Variants in ART3 observed in about 807,000 individuals in gnomAD.
ART3 encodes ecto-ADP-ribosyltransferase 3.
In ART3, 49 loss-of-function variants were observed where a neutral mutation model predicts 48.5. The ratio of observed to expected loss-of-function variants is 1.01; its 90% CI spans 0.80 to 1.28. ART3 has a LOEUF of 1.28. Among genes scored for constraint, ART3 ranks in the 50% most tolerant of loss-of-function variants. ART3 has a pLI of 0.00. For missense variants in ART3, 438 were observed against 454.3 expected, an observed-to-expected ratio of 0.96 and a Z score of 0.33; for synonymous variants, 145 against 157.2, an observed-to-expected ratio of 0.92 and a Z score of 0.58.
chr4:76,076,255 C>T (rs868183792), intron 2 of ART3, among the ~76,000 whole-genome samples: 27 of 152,084 alleles, frequency 1.8e-4, no homozygotes, highest in African/African-American at 6.5e-4. Flanking sequence ...CCGCCCACCT[C>T]GACCTCCCAA....
In ART3 at chr4:76,050,801, C is replaced by T. The variant is rs541113843; in HGVS notation, c.-9-25080C>T. On this transcript the variant is annotated intron_variant, in intron 1 of 9. Coordinates refer to the ART3 transcript ENST00000341029. The stretch of plus-strand genomic sequence containing the variant: ...GGGCTGCAGGTCCTGAGCCCTGCCC[C>T]GCAGGAAGGCAGCTAAGGCCCGATG... 1.1e-3 allele frequency among the ~76,000 whole-genome samples: 171 copies of T among 152,320 alleles called. 3 individuals are homozygous for T. The highest frequency in any genetic ancestry group is 3.6e-3 in the African/African-American group (151 of 41,572).
chr4:76,052,754 A>G (rs1403658580), intron 1 of ART3, among the ~76,000 whole-genome samples: 1 of 136,118 alleles, frequency 7.3e-6, no homozygotes, highest in Non-Finnish European at 1.5e-5. Context: ...TTGCTCTGTC[A>G]TCCAGGCTGG....
chr4:76,105,248 G>A (rs1344065188), intron 10 of ART3, among the ~76,000 whole-genome samples: 1 of 152,136 alleles, frequency 6.6e-6, no homozygotes, highest in Admixed American at 6.6e-5. Context: ...TATCTGAAAG[G>A]CAGCCACCGA....
At chr4:76,040,444 A>ACACACAGG (rs1734847950) in intron 1 of ART3, among the ~76,000 whole-genome samples, 1 of 128,852 alleles carries the variant, frequency 7.8e-6, no homozygotes, top group African/African-American at 3.1e-5. Context: ...GGATACACAC[A>ACACACAGG]CACACACACA....
chr4:76,097,663 T>C lies in ART3; in HGVS notation c.801T>C (p.Cys267=). 4.4e-6 allele frequency: 7 copies of C among 1,608,408 alleles called. No homozygotes were observed. The highest frequency in any genetic ancestry group is 6.0e-6 in the Non-Finnish European group (7 of 1,174,988). ...AFLGGLKTEN[C]IENLEYFQPI... ...TTTCAGGACTAAAAACCGAAAACTG[T>C]ATTGAGAACCTAGGTAAGATAGCTT... The change falls in exon 4 of 12, where the codon TGT becomes TGC. Residue 267 remains cysteine (C), a synonymous_variant. Transcript: ENST00000355810.
intron 11 of ART3, among the ~76,000 whole-genome samples, chr4:76,110,682 T>C (rs375903298): frequency 2.9e-4 from 44 of 152,150 alleles, no homozygotes; most frequent in African/African-American, 1.1e-3. Flanking sequence ...GCGTAGCAGA[T>C]CTTGATGATA....
intron 1 of ART3, among the ~76,000 whole-genome samples, chr4:76,029,918 TC>T (rs11322864): frequency 0.61 from 92,961 of 151,980 alleles, 29,503 homozygotes; most frequent in East Asian, 0.94. Context: ...AACTACATCT[TC>T]CCCCTCATAT....
chr4:76,075,733 C>T (rs1720894343), intron 1 of ART3, 148 bp from the exon 2 acceptor site: 2 of 593,112 alleles, frequency 3.4e-6, no homozygotes, highest in Admixed American at 3.1e-5. Context: ...GCTCTTGTAG[C>T]CCGTTAGGAA....
intron 1 of ART3, among the ~76,000 whole-genome samples, chr4:76,029,809 G>A (rs541614054): frequency 6.6e-6 from 1 of 152,218 alleles, no homozygotes; most frequent in South Asian, 2.1e-4. Flanking sequence ...GCTCTTCTTG[G>A]CTAATTAGAG....
intron 11 of ART3, among the ~76,000 whole-genome samples, chr4:76,109,079 T>C (rs1728995538): frequency 6.6e-6 from 1 of 152,170 alleles, no homozygotes; most frequent in Non-Finnish European, 1.5e-5. Flanking sequence ...TAACAAATTT[T>C]CCTTCTTCAA....
chr4:76,071,085 C>G (rs1440581596), upstream of ART3, among the ~76,000 whole-genome samples: 1 of 152,040 alleles, frequency 6.6e-6, no homozygotes, highest in African/African-American at 2.4e-5. Context: ...CACAGTGGCT[C>G]ATGCCTATAA....
At chr4:76,100,428 T>G (rs1727027785) in intron 6 of ART3, 108 bp downstream of exon 6, 1 of 1,130,676 alleles carries the variant, frequency 8.8e-7, no homozygotes, top group Non-Finnish European at 1.3e-6. Flanking sequence ...GTCAGGAGAT[T>G]GAGACCATCC....
chr4:76,106,385 G>A, intron 10 of ART3: 18 of 983,168 alleles, frequency 1.8e-5, no homozygotes, highest in Non-Finnish European at 2.2e-5. Context: ...AAGGTGGCTT[G>A]CCAGTTAGGA....
chr4:76,063,756 A>G (rs926333299), intron 1 of ART3, among the ~76,000 whole-genome samples: 1 of 152,194 alleles, frequency 6.6e-6, no homozygotes, highest in African/African-American at 2.4e-5. Context: ...TAAAACAATG[A>G]TAGTGAAAAA....
intron 3 of ART3, among the ~76,000 whole-genome samples, chr4:76,090,352 AAG>A (rs1277943346): frequency 6.6e-6 from 1 of 152,182 alleles, no homozygotes; most frequent in African/African-American, 2.4e-5. Flanking sequence ...TTCTTTCGAT[AAG>A]ACAGTCTGTC....
Position 76,098,877 on chromosome 4 carries a change from G to T in ART3, c.815-78G>T. The T allele has an allele frequency of 2.5e-6, 3 of 1,201,244 alleles. No homozygotes were observed. In the South Asian group the frequency reaches 4.3e-5, roughly 17 times the overall value. The allele number at this position is 1,201,244 out of a possible 1,614,324, so 74.4% of individuals were successfully genotyped here. ...AGCCAACACAATCTTTATTTTTAAT[G>T]AACATTTAAAAATAGACTGATCCTG... On this transcript the variant is annotated intron_variant, in intron 4 of 11. Transcript: ENST00000355810.
chr4:76,068,644 G>C (rs1719977615), intron 1 of ART3, among the ~76,000 whole-genome samples: 1 of 145,292 alleles, frequency 6.9e-6, no homozygotes, highest in South Asian at 2.1e-4. Flanking sequence ...AGGGTGGGAA[G>C]GGGAAGAGGA....
At chr4:76,094,026 C>T (rs1725486073) in intron 3 of ART3, among the ~76,000 whole-genome samples, 1 of 152,092 alleles carries the variant, frequency 6.6e-6, no homozygotes, top group Admixed American at 6.6e-5. Flanking sequence ...GGGCTAATGT[C>T]CTTATAAGAA....
chr4:76,011,747 G>C (rs1458737362), intron 1 of ART3, among the ~76,000 whole-genome samples: 3 of 152,178 alleles, frequency 2.0e-5, no homozygotes. Flanking sequence ...GTAGGGCCCC[G>C]CCCCTCTGAG....
Sources: gnomAD v4.1 joint callset for allele counts (sites outside exome capture counted in the v4.1 genomes callset) on GRCh38, gnomAD v4.1.1 for gene constraint, MANE v1.5 for transcripts, NCBI Gene and HGNC (gene_info 2026-07-23, HGNC 2026-07-21) for gene names.